The following OR6N1 variants were observed in gnomAD, a reference collection of about 807,000 sequenced individuals.
OR6N1 encodes the protein olfactory receptor 6N1.
For missense variants in OR6N1, 394 were observed against 371.7 expected (o/e 1.06, Z -0.49); for synonymous variants, 170 against 150.7 (o/e 1.13, Z -0.94).
upstream of OR6N1, chr1:158,775,008 C>T (rs1657552317): frequency 6.6e-6 from 1 of 152,108 alleles, no homozygotes; most frequent in Admixed American, 6.5e-5. Context: ...AATACTCATC[C>T]TATTTAGGTG....
chr1:158,771,297 T>A (rs544265127), intron 1 of OR6N1, among the ~76,000 whole-genome samples: 2 of 152,290 alleles, frequency 1.3e-5, no homozygotes, highest in East Asian at 1.9e-4. Flanking sequence ...CCAAGGCAAC[T>A]CTCTGTGAGC....
At chr1:158,799,981 G>GA in the OR6N1 span, among the ~76,000 whole-genome samples, 52 of 146,944 alleles carry the variant, frequency 3.5e-4, 1 homozygote, top group Middle Eastern at 3.4e-3. Context: ...AGATAAAATG[G>GA]AAAAAAAAAA....
At chr1:158,824,555 A>G in the OR6N1 span, among the ~76,000 whole-genome samples, 1,963 of 152,238 alleles carry the variant, frequency 0.013, 52 homozygotes, top group African/African-American at 0.044. Context: ...GTGGAAAGTT[A>G]TGTAGATTTT....
the OR6N1 span, among the ~76,000 whole-genome samples, chr1:158,834,636 A>G: frequency 6.6e-6 from 1 of 152,090 alleles, no homozygotes; most frequent in Non-Finnish European, 1.5e-5. Flanking sequence ...AGTCTAATTT[A>G]TCTATTTTAT....
At chr1:158,795,872 T>C in the OR6N1 span, 1 of 152,320 alleles carries the variant, frequency 6.6e-6, no homozygotes, top group South Asian at 2.1e-4. Flanking sequence ...GTTTGCGGCT[T>C]CTTTCAGTTT....
the OR6N1 span, among the ~76,000 whole-genome samples, chr1:158,814,626 G>A: frequency 6.6e-6 from 1 of 152,178 alleles, no homozygotes; most frequent in Non-Finnish European, 1.5e-5. Flanking sequence ...TGTGGTAGAA[G>A]GGGAGAGGGA....
chr1:158,782,669 T>G, the OR6N1 span, among the ~76,000 whole-genome samples: 3 of 152,198 alleles, frequency 2.0e-5, no homozygotes, highest in Non-Finnish European at 1.5e-5. Flanking sequence ...ATTCCATGAT[T>G]AGGTATCTTA....
At chr1:158,813,002 A>T in the OR6N1 span, among the ~76,000 whole-genome samples, 4 of 152,348 alleles carry the variant, frequency 2.6e-5, no homozygotes, top group Non-Finnish European at 2.9e-5. Flanking sequence ...CAGTAGGAAC[A>T]CTTATATAAA....
the OR6N1 span, among the ~76,000 whole-genome samples, chr1:158,780,292 T>C: frequency 6.6e-6 from 1 of 152,226 alleles, no homozygotes; most frequent in Non-Finnish European, 1.5e-5. Flanking sequence ...GCCAACTGTA[T>C]GTGTAGAACA....
At chr1:158,785,543 T>C in the OR6N1 span, among the ~76,000 whole-genome samples, 3 of 152,152 alleles carry the variant, frequency 2.0e-5, no homozygotes, top group Non-Finnish European at 4.4e-5. Context: ...GCCACATTTT[T>C]ATTTTTCTCC....
At chr1:158,833,810 A>T in the OR6N1 span, among the ~76,000 whole-genome samples, 1 of 152,222 alleles carries the variant, frequency 6.6e-6, no homozygotes, top group Non-Finnish European at 1.5e-5. Context: ...TGCAATGAAC[A>T]TATATGTACA....
chr1:158,798,403 T>C, the OR6N1 span, among the ~76,000 whole-genome samples: 1 of 151,688 alleles, frequency 6.6e-6, no homozygotes, highest in Non-Finnish European at 1.5e-5. Flanking sequence ...TTTTCCCAAA[T>C]ATTTTGAAAT....
chr1:158,804,684 T>G, the OR6N1 span, among the ~76,000 whole-genome samples: 1 of 152,198 alleles, frequency 6.6e-6, no homozygotes, highest in South Asian at 2.1e-4. Flanking sequence ...ACATTTAATG[T>G]CCTATATTTA....
At chr1:158,831,693 T>G in the OR6N1 span, 9 of 152,206 alleles carry the variant, frequency 5.9e-5, no homozygotes, top group African/African-American at 2.2e-4. Context: ...ACTGAATGCT[T>G]TAACTGTCTA....
chr1:158,788,575 A>G, the OR6N1 span, among the ~76,000 whole-genome samples: 1 of 152,142 alleles, frequency 6.6e-6, no homozygotes, highest in African/African-American at 2.4e-5. Context: ...TGAGGGATAC[A>G]TGTGATACTT....
intron 1 of OR6N1, among the ~76,000 whole-genome samples, chr1:158,767,079 C>G (rs992306528): frequency 6.6e-6 from 1 of 152,138 alleles, no homozygotes; most frequent in African/African-American, 2.4e-5. Context: ...ATCATTTATA[C>G]TGATAATATA....
chr1:158,795,171 C>G, the OR6N1 span, among the ~76,000 whole-genome samples: 2 of 152,150 alleles, frequency 1.3e-5, no homozygotes, highest in Non-Finnish European at 2.9e-5. Context: ...TCCAAACAGG[C>G]AGGGGGGTGT....
At chr1:158,791,704 G>A in the OR6N1 span, among the ~76,000 whole-genome samples, 3 of 152,064 alleles carry the variant, frequency 2.0e-5, no homozygotes, top group Non-Finnish European at 4.4e-5. Context: ...TCCTGACCTC[G>A]TGATTTGCCT....
the OR6N1 span, among the ~76,000 whole-genome samples, chr1:158,821,878 A>G: frequency 1.3e-5 from 2 of 152,164 alleles, no homozygotes; most frequent in Non-Finnish European, 2.9e-5. Context: ...TGGCTGTACC[A>G]TTTTGCAATT....
Sources: gnomAD v4.1 joint callset for allele counts (sites outside exome capture counted in the v4.1 genomes callset) on GRCh38, gnomAD v4.1.1 for gene constraint, MANE v1.5 for transcripts, NCBI Gene and HGNC (gene_info 2026-07-23, HGNC 2026-07-21) for gene names.